The following KDM4C variants were observed in gnomAD, a reference collection of about 807,000 sequenced individuals.
KDM4C encodes lysine-specific demethylase 4C.
Under a neutral mutation model 129.3 loss-of-function variants are expected in KDM4C, and 81 were observed. The observed-to-expected ratio is 0.63, with a 90% CI of 0.52 to 0.75. The LOEUF is 0.75. Ranked by LOEUF, KDM4C falls within the 30% of genes least tolerant of loss-of-function variation. KDM4C has a pLI of 0.00. For synonymous variants in KDM4C, 573 were observed against 456.1 expected (o/e 1.26, Z -3.26); for missense variants, 1,457 against 1,304.0 (o/e 1.12, Z -1.81).
intron 8 of KDM4C, chr9:6,974,731 T>C (rs1192777310): frequency 6.6e-6 from 1 of 152,190 alleles, no homozygotes; most frequent in African/African-American, 2.4e-5. Flanking sequence ...TCTCTAAGAG[T>C]GTGCAGAGCC....
chr9:6,969,231 C>T (rs769491234), intron 8 of KDM4C, among the ~76,000 whole-genome samples: 5 of 152,168 alleles, frequency 3.3e-5, no homozygotes, highest in African/African-American at 4.8e-5. Context: ...CCACCGTGCT[C>T]GGCCTGGGTT....
intron 5 of KDM4C, among the ~76,000 whole-genome samples, chr9:6,851,212 C>A (rs1838786255): frequency 6.6e-6 from 1 of 152,138 alleles, no homozygotes; most frequent in African/African-American, 2.4e-5. Context: ...CTCCTGGGCT[C>A]AAGTGATCCT....
intron 17 of KDM4C, among the ~76,000 whole-genome samples, chr9:7,061,990 C>A (rs1831750111): frequency 6.6e-6 from 1 of 152,282 alleles, no homozygotes; most frequent in African/African-American, 2.4e-5. Context: ...TTTCTTGAGA[C>A]AGAGTCTGTC....
At chr9:7,021,874 A>C (rs1393725005) in intron 15 of KDM4C, among the ~76,000 whole-genome samples, 1 of 152,046 alleles carries the variant, frequency 6.6e-6, no homozygotes, top group Non-Finnish European at 1.5e-5. Context: ...TTTCCATTTA[A>C]GTATCTAGTT....
At chr9:6,942,894 C>G (rs929874200) in intron 8 of KDM4C, among the ~76,000 whole-genome samples, 9 of 152,052 alleles carry the variant, frequency 5.9e-5, no homozygotes, top group African/African-American at 2.2e-4. Context: ...TTTGAGACGG[C>G]TTTACTCTGT....
At chr9:6,977,474 C>T (rs942706671) in intron 8 of KDM4C, among the ~76,000 whole-genome samples, 1 of 152,150 alleles carries the variant, frequency 6.6e-6, no homozygotes, top group Non-Finnish European at 1.5e-5. Flanking sequence ...AAACCACATA[C>T]ATGTTGCCAT....
intron 8 of KDM4C, among the ~76,000 whole-genome samples, chr9:6,945,945 C>G (rs1826882716): frequency 6.6e-6 from 1 of 152,074 alleles, no homozygotes. Context: ...GTCCAGATGT[C>G]TTTTCTATTG....
At chr9:6,992,407 A>T (rs1028340890) in intron 12 of KDM4C, among the ~76,000 whole-genome samples, 1 of 152,216 alleles carries the variant, frequency 6.6e-6, no homozygotes, top group African/African-American at 2.4e-5. Flanking sequence ...TGTAGAAACG[A>T]TGATTGTAGC....
chr9:6,995,829 G>A lies in KDM4C; in HGVS notation c.1786+5305G>A, dbSNP rs375233570. 8.7e-4 allele frequency among the ~76,000 whole-genome samples: 133 copies of A among 152,046 alleles called. 2 individuals carry two copies. In the South Asian group the frequency reaches 0.021, roughly 24 times the overall value. On this transcript the variant is annotated intron_variant, in intron 12 of 21. Coordinates refer to ENST00000381309, the MANE Select transcript of KDM4C (RefSeq NM_015061.6). The stretch of plus-strand genomic sequence containing the variant: ...TGGGACTACAGGCGCCTGCCACCAC[G>A]CCCGGCTAATTTTTTGTATTTTTGG...
At chr9:7,067,773 T>C (rs1201445615) in intron 17 of KDM4C, among the ~76,000 whole-genome samples, 2 of 152,158 alleles carry the variant, frequency 1.3e-5, no homozygotes, top group African/African-American at 2.4e-5. Flanking sequence ...GAAGTAATCA[T>C]TGTTAACATA....
intron 8 of KDM4C, among the ~76,000 whole-genome samples, chr9:6,919,255 C>CTTTCTTTCTTTCTTTCTTTAT (rs1554643789): frequency 2.4e-4 from 29 of 122,620 alleles, no homozygotes; most frequent in African/African-American, 8.3e-4. Context: ...TCTTTTCTTT[C>CTTTCTTTCTTTCTTTCTTTAT]TTTCTTTCTT....
At chr9:6,748,510 A>G (rs1008717972) in intron 1 of KDM4C, among the ~76,000 whole-genome samples, 1 of 114,610 alleles carries the variant, frequency 8.7e-6, no homozygotes, top group Admixed American at 9.9e-5. Context: ...TCCGTCTCAG[A>G]AAAAAAAAAA....
intron 19 of KDM4C, among the ~76,000 whole-genome samples, chr9:7,133,669 A>G (rs545081279): frequency 7.5e-4 from 114 of 152,304 alleles, no homozygotes; most frequent in African/African-American, 2.7e-3. Context: ...GCTGAGGTAG[A>G]AGACGCTGTG....
intron 1 of KDM4C, among the ~76,000 whole-genome samples, chr9:6,782,557 C>T (rs534609570): frequency 9.9e-4 from 150 of 152,058 alleles, no homozygotes; most frequent in Middle Eastern, 3.4e-3. Context: ...TTCGTAACGG[C>T]GTACACGTGA....
intron 7 of KDM4C, among the ~76,000 whole-genome samples, chr9:6,888,781 GTTT>G (rs779606475): frequency 4.3e-5 from 5 of 114,984 alleles, no homozygotes; most frequent in Non-Finnish European, 7.3e-5. Context: ...CTTCTTCTGT[GTTT>G]TTTTTTTTTT....
chr9:7,084,051 T>C (rs1179725907), intron 17 of KDM4C, among the ~76,000 whole-genome samples: 1 of 152,160 alleles, frequency 6.6e-6, no homozygotes, highest in Non-Finnish European at 1.5e-5. Context: ...GGTAACCTAG[T>C]GTTTGCTGTC....
At chr9:6,754,102 C>T (rs1377020081), upstream of KDM4C, among the ~76,000 whole-genome samples, 3 of 151,980 alleles carry the variant, frequency 2.0e-5, no homozygotes, top group Admixed American at 6.6e-5. Context: ...TCTCGATCTC[C>T]TGACCTCAGG....
intron 12 of KDM4C, among the ~76,000 whole-genome samples, chr9:7,002,579 A>G (rs1038551918): frequency 1.3e-5 from 2 of 152,152 alleles, no homozygotes; most frequent in African/African-American, 2.4e-5. Flanking sequence ...TTCTGGTGCC[A>G]TGTTGACAGC....
At chr9:6,827,762 C>T (rs575544832) in intron 4 of KDM4C, among the ~76,000 whole-genome samples, 1 of 152,322 alleles carries the variant, frequency 6.6e-6, no homozygotes, top group East Asian at 1.9e-4. Flanking sequence ...CAGGTTTTGA[C>T]GCAGAGAGAG....
Sources: allele counts gnomAD v4.1 joint callset (sites outside exome capture counted in the v4.1 genomes callset), GRCh38; gene constraint gnomAD v4.1.1; transcripts MANE v1.5; gene names NCBI Gene and HGNC (gene_info 2026-07-23, HGNC 2026-07-21).